Variants in SEMA3A observed in about 807,000 individuals in gnomAD.
The protein encoded by SEMA3A is semaphorin 3A.
SEMA3A carries 29 observed loss-of-function variants against 97.9 expected under a neutral mutation model. The ratio of observed to expected loss-of-function variants is 0.30; its 90% CI spans 0.22 to 0.40. The LOEUF (loss-of-function observed/expected upper bound fraction) is 0.40, where lower values mean the gene tolerates loss of function less well. SEMA3A is among the 10% of genes least tolerant of loss of function. The probability of loss-of-function intolerance (pLI) is 1.00; values close to 1 mark genes in which losing one functional copy is unlikely to be tolerated. For synonymous variants in SEMA3A, 321 were observed against 323.7 expected, an observed-to-expected ratio of 0.99 and a Z score of 0.09; for missense variants, 763 against 951.3, an observed-to-expected ratio of 0.80 and a Z score of 2.60.
chr7:84,001,938 A>T lies in SEMA3A; in HGVS notation c.1452+17T>A. 1 of 1,575,054 alleles carries T rather than the reference A, an allele frequency of 6.3e-7. No individual in the cohort carries two copies. Reference sequence around the variant, plus strand: ...TACAACTGAACTTGTTGACACTTGAAATTAAGCAGCACTCACCCGAAAAAC... The same window carrying T: ...TACAACTGAACTTGTTGACACTTGATATTAAGCAGCACTCACCCGAAAAAC... On this transcript the variant is annotated intron_variant, in intron 12 of 16. Coordinates refer to ENST00000265362, the MANE Select transcript of SEMA3A (RefSeq NM_006080.3).
intron 3 of SEMA3A, among the ~76,000 whole-genome samples, chr7:84,242,925 G>C (rs1164485283): frequency 6.6e-6 from 1 of 152,134 alleles, no homozygotes; most frequent in African/African-American, 2.4e-5. Flanking sequence ...CTCTTTATGT[G>C]ATGGATTATG....
intron 1 of SEMA3A, among the ~76,000 whole-genome samples, chr7:84,398,920 A>G (rs1221450009): frequency 6.6e-6 from 1 of 152,244 alleles, no homozygotes; most frequent in Non-Finnish European, 1.5e-5. Flanking sequence ...TTGCAGAAAC[A>G]TCAACTTGAA....
intron 3 of SEMA3A, among the ~76,000 whole-genome samples, chr7:84,254,208 T>C (rs1029712857): frequency 2.0e-5 from 3 of 152,250 alleles, no homozygotes; most frequent in African/African-American, 4.8e-5. Context: ...GATGTGACTA[T>C]TGGGATTTGG....
chr7:84,342,719 C>T (rs796623223), intron 2 of SEMA3A, among the ~76,000 whole-genome samples: 7 of 152,202 alleles, frequency 4.6e-5, no homozygotes, highest in African/African-American at 1.7e-4. Flanking sequence ...TAATAGTATT[C>T]TTAAAATTGA....
chr7:83,982,898 T>C (rs1789474883), intron 13 of SEMA3A, among the ~76,000 whole-genome samples: 1 of 152,008 alleles, frequency 6.6e-6, no homozygotes, highest in South Asian at 2.1e-4. Flanking sequence ...TGCTGAAATC[T>C]CACCAACTAA....
intron 7 of SEMA3A, among the ~76,000 whole-genome samples, chr7:84,012,806 A>G (rs1014596461): frequency 6.6e-6 from 1 of 152,196 alleles, no homozygotes; most frequent in African/African-American, 2.4e-5. Context: ...TATAGTTTTC[A>G]CAAATGATAT....
At chr7:84,272,234 G>A (rs900177511) in intron 3 of SEMA3A, among the ~76,000 whole-genome samples, 1 of 152,062 alleles carries the variant, frequency 6.6e-6, no homozygotes, top group African/African-American at 2.4e-5. Flanking sequence ...TGAAAAAAGA[G>A]CAAGATATAT....
At chr7:84,295,555 A>G (rs1800847658) in intron 3 of SEMA3A, among the ~76,000 whole-genome samples, 1 of 152,088 alleles carries the variant, frequency 6.6e-6, no homozygotes, top group South Asian at 2.1e-4. Flanking sequence ...GGGACAAATC[A>G]GCCTGCCTTT....
intron 1 of SEMA3A, among the ~76,000 whole-genome samples, chr7:84,160,703 C>T (rs560100671): frequency 8.0e-4 from 122 of 152,036 alleles, no homozygotes; most frequent in African/African-American, 2.8e-3. Context: ...CATGGTGAAA[C>T]CCTGTCTCTA....
chr7:84,284,718 G>A (rs947044159), intron 3 of SEMA3A, among the ~76,000 whole-genome samples: 1 of 152,054 alleles, frequency 6.6e-6, no homozygotes, highest in Non-Finnish European at 1.5e-5. Flanking sequence ...TGATAACAAG[G>A]GTCATGAAGG....
At chr7:84,023,870 G>A (rs965765328) in intron 6 of SEMA3A, among the ~76,000 whole-genome samples, 1 of 152,042 alleles carries the variant, frequency 6.6e-6, no homozygotes, top group Admixed American at 6.6e-5. Context: ...AAGTTAGCCG[G>A]GTGTGGTGGC....
chr7:84,418,993 C>A (rs1804515808), intron 1 of SEMA3A, among the ~76,000 whole-genome samples: 1 of 151,676 alleles, frequency 6.6e-6, no homozygotes, highest in Admixed American at 6.6e-5. Flanking sequence ...ACATACATAT[C>A]TTATTGATTC....
chr7:83,962,272 C>G (rs1788504085), intron 16 of SEMA3A, among the ~76,000 whole-genome samples: 1 of 151,936 alleles, frequency 6.6e-6, no homozygotes, highest in South Asian at 2.1e-4. Context: ...AGAAGTTGAA[C>G]AAGCAGAACA....
intron 3 of SEMA3A, among the ~76,000 whole-genome samples, chr7:84,127,688 T>G (rs1316280541): frequency 2.0e-5 from 3 of 152,180 alleles, no homozygotes. Flanking sequence ...ATAGGCAACA[T>G]TGCTGCTAGA....
intron 1 of SEMA3A, among the ~76,000 whole-genome samples, chr7:84,417,633 T>G (rs1167823164): frequency 6.6e-6 from 1 of 152,108 alleles, no homozygotes; most frequent in Non-Finnish European, 1.5e-5. Flanking sequence ...AACAAATTAC[T>G]AATTTTAAAA....
intron 1 of SEMA3A, among the ~76,000 whole-genome samples, chr7:84,472,418 C>T (rs1216292196): frequency 1.3e-5 from 2 of 152,114 alleles, no homozygotes; most frequent in Non-Finnish European, 2.9e-5. Flanking sequence ...CATTATTAGA[C>T]AAATAGGCTA....
At position 83,980,618 on chromosome 7, in the gene SEMA3A, A is replaced by ACAAACAAACAAAC. The variant is rs57547797; in HGVS notation, c.1652+702_1652+703insGTTTGTTTGTTTG. Among the ~76,000 whole-genome samples, 8 of 82,246 alleles carry ACAAACAAACAAAC rather than the reference A, an allele frequency of 9.7e-5. No homozygotes were observed. In the East Asian group the frequency reaches 1.9e-3, roughly 20 times the overall value. 54.0% of individuals were successfully genotyped at this position (82,246 alleles called of 152,430 possible). A position where few individuals can be genotyped will look rare whatever the true frequency, so the allele number is the denominator to read the frequency against. Reference sequence around the variant, plus strand: ...GACTCCATCTCAAAAAAAAAAAAAAAAAAAAATATATATATATATATACAC... The same window carrying ACAAACAAACAAAC: ...GACTCCATCTCAAAAAAAAAAAAAAACAAACAAACAAACAAAAAATATATATATATATATACAC... On this transcript the variant is annotated intron_variant, in intron 14 of 16. Transcript: ENST00000265362.
At chr7:84,203,409 A>T (rs1040183790) in intron 3 of SEMA3A, among the ~76,000 whole-genome samples, 1 of 149,158 alleles carries the variant, frequency 6.7e-6, no homozygotes, top group African/African-American at 2.5e-5. Flanking sequence ...TGGATTAATT[A>T]ATTAGTCAAG....
chr7:84,194,796 GA>G (rs36048075), upstream of SEMA3A: 38,721 of 156,794 alleles, frequency 0.25, 1,177 homozygotes, highest in East Asian at 0.45. Context: ...CCTCCAAAAA[GA>G]AAAAAAAAAA....
Sources: allele counts gnomAD v4.1 joint callset (sites outside exome capture counted in the v4.1 genomes callset), GRCh38; gene constraint gnomAD v4.1.1; transcripts MANE v1.5; gene names NCBI Gene and HGNC (gene_info 2026-07-23, HGNC 2026-07-21).